DYNC2H1: variants seen among roughly 807,000 people sequenced by gnomAD.
DYNC2H1 encodes the protein dynein cytoplasmic 2 heavy chain 1.
In DYNC2H1, 410 loss-of-function variants were observed where a neutral mutation model predicts 570.0. That is an observed-to-expected ratio of 0.72 (90% CI 0.66 to 0.78). The LOEUF (loss-of-function observed/expected upper bound fraction) is 0.78. Among genes scored for constraint, DYNC2H1 ranks in the 30% least tolerant of loss-of-function variants. DYNC2H1 has a pLI of 0.00. For synonymous variants in DYNC2H1, 1,688 were observed against 1,677.6 expected (o/e 1.01, Z -0.15); for missense variants, 4,865 against 5,046.4 (o/e 0.96, Z 1.09).
In DYNC2H1 at chr11:103,155,415, C is replaced by G. The variant is rs781209467; in HGVS notation, c.3658C>G (p.Pro1220Ala). 6.2e-7 allele frequency: 1 copy of G among 1,611,362 alleles called. No individual in the cohort carries two copies. Among genetic ancestry groups the G allele is most frequent in the African/African-American group, 1.3e-5 (1 of 74,622 alleles). ...TGACCTTTTTCGTCTCCTTGGACTT[C>G]CTAGGGGGACTAGTCTAGAGAAACT... ...WLDLFRLLGL[P>A]RGTSLEKLLF... The change falls in exon 25 of 89, where the codon CCT (proline) becomes GCT (alanine). Residue 1220 changes from proline to alanine, a missense_variant. Around this residue, in one of 5 missense-constraint regions of DYNC2H1, gnomAD observed 1,936 missense variants for 1,962.1 expected, o/e 0.99. Coordinates refer to ENST00000375735, the MANE Select transcript of DYNC2H1 (RefSeq NM_001377.3).
At chr11:103,470,355 GGT>G (rs372942516) in intron 88 of DYNC2H1, among the ~76,000 whole-genome samples, 2 of 152,230 alleles carry the variant, frequency 1.3e-5, no homozygotes, top group Non-Finnish European at 2.9e-5. Flanking sequence ...TATAAAGAGA[GGT>G]AAAATGAATA....
intron 82 of DYNC2H1, among the ~76,000 whole-genome samples, chr11:103,357,535 A>G (rs1318155229): frequency 6.6e-6 from 1 of 152,204 alleles, no homozygotes; most frequent in Non-Finnish European, 1.5e-5. Flanking sequence ...TTTTTAAGGA[A>G]ACTATCTTTG....
At chr11:103,391,023 C>T (rs1488165238) in intron 83 of DYNC2H1, among the ~76,000 whole-genome samples, 1 of 152,136 alleles carries the variant, frequency 6.6e-6, no homozygotes, top group Non-Finnish European at 1.5e-5. Flanking sequence ...CTCTGTATTT[C>T]CTGAATCTGA....
At chr11:103,377,186 T>C (rs1941427311) in intron 83 of DYNC2H1, among the ~76,000 whole-genome samples, 1 of 152,226 alleles carries the variant, frequency 6.6e-6, no homozygotes, top group Non-Finnish European at 1.5e-5. Context: ...GCTATTATTA[T>C]GTGAAATAGA....
Position 103,204,249 on chromosome 11 carries a change from G to A in DYNC2H1, c.8311+473G>A, listed in dbSNP as rs866460489. ...AATCATGTCCCACCAGGTTCCTCCC[G>A]CAACACGTGGGGATTATGGGAGCTA... On this transcript the variant is annotated intron_variant, in intron 51 of 88. Transcript: ENST00000375735. The surrounding 1 kb of genome is among the most constrained non-coding windows in gnomAD (Gnocchi z 4.1). 2.4e-4 allele frequency among the ~76,000 whole-genome samples: 36 copies of A among 152,114 alleles called. No homozygotes were observed. Among genetic ancestry groups the A allele is most frequent in the African/African-American group, 8.0e-4 (33 of 41,406 alleles).
intron 85 of DYNC2H1, among the ~76,000 whole-genome samples, chr11:103,437,508 A>AG (rs1020569074): frequency 1.0e-5 from 1 of 99,866 alleles, no homozygotes; most frequent in African/African-American, 4.7e-5. Flanking sequence ...GGATTGTTAA[A>AG]GGAAAAAAAA....
At chr11:103,303,042 T>C (rs550227505) in intron 75 of DYNC2H1, 51 bp from the exon 76 acceptor site, 1 of 1,294,548 alleles carries the variant, frequency 7.7e-7, no homozygotes, top group African/African-American at 1.5e-5. Flanking sequence ...TAATAAACTT[T>C]TTAATAATGC....
intron 88 of DYNC2H1, among the ~76,000 whole-genome samples, chr11:103,474,254 T>C (rs1433276717): frequency 6.6e-6 from 1 of 152,136 alleles, no homozygotes; most frequent in African/African-American, 2.4e-5. Flanking sequence ...GAGATTTTTT[T>C]CCCCCAGAAT....
intron 88 of DYNC2H1, among the ~76,000 whole-genome samples, chr11:103,477,650 T>A (rs7125236): frequency 0.023 from 3,439 of 151,730 alleles, 83 homozygotes; most frequent in African/African-American, 0.054. Context: ...GCTAACACAG[T>A]GAAACCCTGT....
intron 1 of DYNC2H1, 151 bp from the exon 2 acceptor site, chr11:103,113,386 G>A (rs1858206222): frequency 4.0e-6 from 2 of 503,822 alleles, no homozygotes; most frequent in Non-Finnish European, 6.4e-6. Flanking sequence ...GTATTCTTAA[G>A]GAAAGAAGAG....
chr11:103,202,827 G>A (rs529098539), intron 50 of DYNC2H1, among the ~76,000 whole-genome samples: 23 of 152,214 alleles, frequency 1.5e-4, no homozygotes, highest in Admixed American at 3.3e-4. Flanking sequence ...TTTAAATACT[G>A]TTACAATTTG....
At chr11:103,155,192 T>A in intron 24 of DYNC2H1, 139 bp from the exon 25 acceptor site, 1 of 832,952 alleles carries the variant, frequency 1.2e-6, no homozygotes, top group Non-Finnish European at 1.8e-6. Context: ...AAGAATATGA[T>A]TTTAAGATTA....
At chr11:103,265,173 G>A (rs1865459763) in intron 70 of DYNC2H1, among the ~76,000 whole-genome samples, 1 of 152,042 alleles carries the variant, frequency 6.6e-6, no homozygotes, top group South Asian at 2.1e-4. Flanking sequence ...AGAACACATG[G>A]ACACAGAGAG....
In DYNC2H1 at chr11:103,170,806, A is replaced by G. The variant is rs1265755525; in HGVS notation, c.5152-80A>G. On this transcript the variant is annotated intron_variant, in intron 33 of 88. Coordinates refer to ENST00000375735, the MANE Select transcript of DYNC2H1 (RefSeq NM_001377.3). The surrounding 1 kb of genome is among the most constrained non-coding windows in gnomAD (Gnocchi z 4.8). ...GATGGGATAAATTATCACCTTATCA[A>G]TAAGTAACATTAAATATTAAGTAGT... 3.2e-6 allele frequency: 4 copies of G among 1,238,000 alleles called. No homozygotes were observed. The highest frequency in any genetic ancestry group is 3.0e-5 in the African/African-American group (2 of 65,630). The allele number at this position is 1,238,000 out of a possible 1,614,324, so 76.7% of individuals were successfully genotyped here.
chr11:103,133,843 C>T lies in DYNC2H1; in HGVS notation c.2106+136C>T. 1 of 938,554 alleles carries T rather than the reference C, an allele frequency of 1.1e-6. No individual in the cohort carries two copies. The highest frequency in any genetic ancestry group is 1.5e-6 in the Non-Finnish European group (1 of 659,102). 58.1% of individuals were successfully genotyped at this position (938,554 alleles called of 1,614,324 possible). On this transcript the variant is annotated intron_variant, in intron 14 of 88. Coordinates refer to ENST00000375735, the MANE Select transcript of DYNC2H1 (RefSeq NM_001377.3). The surrounding 1 kb of genome is among the most constrained non-coding windows in gnomAD (Gnocchi z 4.8). ...AAAATAGTACAGAGAAATCACAATT[C>T]CCATTTGCCCAAATTCCCTGTTGTT...
In DYNC2H1 at chr11:103,395,192, G is replaced by C. The variant is rs1942348024; in HGVS notation, c.12157-4471G>C. Among the ~76,000 whole-genome samples, 1 of 152,068 alleles carries C rather than the reference G, an allele frequency of 6.6e-6. No individual in the cohort carries two copies. The highest frequency in any genetic ancestry group is 2.1e-4 in the South Asian group (1 of 4,828). ...TGACATTTTAGATTGCAAGTAATTGGAAAACTCAGCTCAAACTGACTTATG... is the reference window on the plus strand; with the variant it reads ...TGACATTTTAGATTGCAAGTAATTGCAAAACTCAGCTCAAACTGACTTATG... On this transcript the variant is annotated intron_variant, in intron 83 of 88. Transcript: ENST00000375735. The surrounding 1 kb of genome is among the most constrained non-coding windows in gnomAD (Gnocchi z 4.3).
intron 85 of DYNC2H1, among the ~76,000 whole-genome samples, chr11:103,452,592 C>G (rs932887448): frequency 6.7e-6 from 1 of 150,214 alleles, no homozygotes; most frequent in African/African-American, 2.4e-5. Context: ...TCTGAACTCT[C>G]GCCTATGTAA....
At chr11:103,310,548 TA>T (rs1406869093) in intron 78 of DYNC2H1, among the ~76,000 whole-genome samples, 1 of 152,096 alleles carries the variant, frequency 6.6e-6, no homozygotes, top group African/African-American at 2.4e-5. Context: ...TGTCATGTTT[TA>T]TTGAGTAGTG....
At chr11:103,304,469 T>C in intron 76 of DYNC2H1, 126 bp from the exon 77 acceptor site, 1 of 1,062,930 alleles carries the variant, frequency 9.4e-7, no homozygotes, top group East Asian at 2.9e-5. Context: ...TTGATTCTTC[T>C]TCCAAATTTA....
Sources: gnomAD v4.1 joint callset for allele counts (sites outside exome capture counted in the v4.1 genomes callset) on GRCh38, gnomAD v4.1.1 for gene constraint, gnomAD v4.1.1 regional missense constraint, Gnocchi (gnomAD v3.1) non-coding constraint, MANE v1.5 for transcripts, NCBI Gene and HGNC (gene_info 2026-07-23, HGNC 2026-07-21) for gene names.